AGBL4: variants seen among roughly 807,000 people sequenced by gnomAD.
AGBL4 encodes the protein AGBL carboxypeptidase 4.
A neutral mutation model predicts 66.4 loss-of-function variants in AGBL4; 58 were observed. The observed-to-expected ratio is 0.87, with a 90% CI of 0.71 to 1.09. AGBL4 has a LOEUF of 1.09. Ranked by LOEUF, AGBL4 falls within the 50% of genes least tolerant of loss-of-function variation. AGBL4 has a pLI of 0.00. For synonymous variants in AGBL4, 234 were observed against 222.9 expected (o/e 1.05, Z -0.44); for missense variants, 579 against 631.0 (o/e 0.92, Z 0.88).
chr1:49,297,012 G>A (rs1197593293), intron 3 of AGBL4, among the ~76,000 whole-genome samples: 1 of 152,156 alleles, frequency 6.6e-6, no homozygotes. Context: ...ATTTTTAATG[G>A]TTCCTTCTCT....
chr1:49,928,986 T>TA (rs763867337), intron 1 of AGBL4, among the ~76,000 whole-genome samples: 4 of 152,070 alleles, frequency 2.6e-5, no homozygotes, highest in Non-Finnish European at 5.9e-5. Context: ...TAGACAGCCA[T>TA]AAAAAAGAAT....
At chr1:48,806,715 C>T (rs527578980) in intron 6 of AGBL4, among the ~76,000 whole-genome samples, 5 of 152,310 alleles carry the variant, frequency 3.3e-5, no homozygotes, top group African/African-American at 1.2e-4. Flanking sequence ...TCATTTTTCT[C>T]TGGCTTCCTT....
chr1:48,665,686 A>T (rs555646684), intron 6 of AGBL4, among the ~76,000 whole-genome samples: 13 of 151,506 alleles, frequency 8.6e-5, no homozygotes, highest in African/African-American at 2.9e-4. Context: ...CTGCATTTCC[A>T]TTTACAATTT....
intron 3 of AGBL4, among the ~76,000 whole-genome samples, chr1:49,599,346 C>T (rs747021051): frequency 1.3e-5 from 2 of 152,116 alleles, no homozygotes; most frequent in Non-Finnish European, 2.9e-5. Context: ...GTGTATGTGT[C>T]CAGGAATTTA....
Position 48,564,742 on chromosome 1 carries a change from A to C in AGBL4, c.1267+22262T>G, listed in dbSNP as rs541496112. On this transcript the variant is annotated intron_variant, in intron 11 of 13. Transcript: ENST00000371839. The stretch of plus-strand genomic sequence containing the variant: ...GAGACAGTAAATGCCACGCTCAAAA[A>C]CCTCAAACTCAAAACTCAACCAACC... 1.5e-3 allele frequency among the ~76,000 whole-genome samples: 225 copies of C among 152,218 alleles called. 1 individual carries two copies. The highest frequency in any genetic ancestry group is 5.2e-3 in the African/African-American group (217 of 41,544).
intron 3 of AGBL4, among the ~76,000 whole-genome samples, chr1:49,558,140 C>A (rs1000815432): frequency 6.6e-6 from 1 of 152,018 alleles, no homozygotes; most frequent in Non-Finnish European, 1.5e-5. Context: ...CACATACTAC[C>A]TCAAGGGCTG....
chr1:49,821,820 T>C (rs559653638), intron 2 of AGBL4, among the ~76,000 whole-genome samples: 4 of 152,340 alleles, frequency 2.6e-5, no homozygotes, highest in African/African-American at 9.6e-5. Flanking sequence ...GAAAACAGAA[T>C]TCAGCTGTAG....
At chr1:49,412,827 A>G (rs1645344591) in intron 3 of AGBL4, among the ~76,000 whole-genome samples, 1 of 152,172 alleles carries the variant, frequency 6.6e-6, no homozygotes, top group African/African-American at 2.4e-5. Context: ...AGGGCCCTCA[A>G]AAGAAAAGGA....
intron 1 of AGBL4, among the ~76,000 whole-genome samples, chr1:50,001,955 G>A (rs1276679590): frequency 6.6e-6 from 1 of 152,084 alleles, no homozygotes; most frequent in African/African-American, 2.4e-5. Context: ...ATGGCATGGT[G>A]GAAATGAAAG....
At chr1:48,953,204 T>A (rs1259098258) in intron 5 of AGBL4, among the ~76,000 whole-genome samples, 3 of 152,200 alleles carry the variant, frequency 2.0e-5, no homozygotes, top group African/African-American at 7.2e-5. Flanking sequence ...GGCTTAAGGC[T>A]AAACTCCATG....
chr1:49,103,920 T>G lies in AGBL4; in HGVS notation c.378-58120A>C, dbSNP rs1645248193. On this transcript the variant is annotated intron_variant, in intron 4 of 13. Transcript: ENST00000371839. ...AAACAAAATTGTGTCGACTCTTTAT[T>G]ACTTCCACAAAACATTCTGATTTTC... Among the ~76,000 whole-genome samples the G allele has an allele frequency of 1.3e-5, 2 of 152,156 alleles. 1 individual carries two copies. Among genetic ancestry groups the G allele is most frequent in the South Asian group, 4.1e-4 (2 of 4,832 alleles).
At chr1:49,207,518 T>TTTCTTTC (rs1491227668) in intron 4 of AGBL4, among the ~76,000 whole-genome samples, 5 of 146,826 alleles carry the variant, frequency 3.4e-5, no homozygotes, top group East Asian at 2.0e-4. Context: ...TTTCTTTCTT[T>TTTCTTTC]CTTTCTCTCT....
At position 49,192,669 on chromosome 1, in the gene AGBL4, T is replaced by A. The variant is rs139828141; in HGVS notation, c.377+53101A>T. On this transcript the variant is annotated intron_variant, in intron 4 of 13. Coordinates refer to ENST00000371839, the MANE Select transcript of AGBL4 (RefSeq NM_032785.4). ...GAGAAGCGTCTGTTCATGTCCTTTGTAAAAGGGCATTTTAGTATTAGCCAA... is the reference window on the plus strand; with the variant it reads ...GAGAAGCGTCTGTTCATGTCCTTTGAAAAAGGGCATTTTAGTATTAGCCAA... Among the ~76,000 whole-genome samples the A allele has an allele frequency of 6.0e-3, 908 of 152,352 alleles. 9 individuals carry two copies. The highest frequency in any genetic ancestry group is 0.014 in the Middle Eastern group (4 of 294).
chr1:48,648,620 G>A (rs1057501689), intron 8 of AGBL4, among the ~76,000 whole-genome samples: 5 of 152,202 alleles, frequency 3.3e-5, no homozygotes, highest in African/African-American at 1.2e-4. Context: ...GTCCCTGGAT[G>A]TACCCTATGG....
chr1:49,138,236 A>G (rs1269687880), intron 4 of AGBL4, among the ~76,000 whole-genome samples: 1 of 152,158 alleles, frequency 6.6e-6, no homozygotes, highest in Non-Finnish European at 1.5e-5. Context: ...AGAGAAAAAT[A>G]CTGCAAACAG....
chr1:49,674,458 A>G (rs1321024984), intron 3 of AGBL4, among the ~76,000 whole-genome samples: 1 of 151,206 alleles, frequency 6.6e-6, no homozygotes, highest in Non-Finnish European at 1.5e-5. Flanking sequence ...TTTCTACTCT[A>G]CACAAAACTT....
intron 3 of AGBL4, among the ~76,000 whole-genome samples, chr1:49,382,380 C>T (rs1055149162): frequency 2.0e-5 from 3 of 151,578 alleles, no homozygotes; most frequent in Non-Finnish European, 2.9e-5. Context: ...GTATAATACA[C>T]CATATTGAAA....
chr1:48,531,642 G>C (rs1248218714), downstream of AGBL4, among the ~76,000 whole-genome samples: 1 of 152,152 alleles, frequency 6.6e-6, no homozygotes, highest in Admixed American at 6.5e-5. Context: ...CCAAATCCAG[G>C]AGAGGTAATA....
chr1:49,918,604 A>T (rs1248076813), intron 1 of AGBL4, among the ~76,000 whole-genome samples: 2 of 152,198 alleles, frequency 1.3e-5, no homozygotes, highest in Non-Finnish European at 2.9e-5. Flanking sequence ...ATAGCCTACC[A>T]ACCAAAAAAA....
Sources: gnomAD v4.1 joint callset for allele counts (sites outside exome capture counted in the v4.1 genomes callset) on GRCh38, gnomAD v4.1.1 for gene constraint, MANE v1.5 for transcripts, NCBI Gene and HGNC (gene_info 2026-07-23, HGNC 2026-07-21) for gene names.